The following GABBR2 variants were observed in gnomAD, a reference collection of about 807,000 sequenced individuals.
GABBR2 encodes gamma-aminobutyric acid type B receptor subunit 2.
In GABBR2, 23 loss-of-function variants were observed where a neutral mutation model predicts 105.6. That is an observed-to-expected ratio of 0.22 (90% CI 0.16 to 0.31). The LOEUF (loss-of-function observed/expected upper bound fraction) is 0.31. Ranked by LOEUF, GABBR2 falls within the 10% of genes least tolerant of loss-of-function variation. The pLI, the probability that GABBR2 is intolerant of heterozygous loss-of-function variation, is 1.00. For missense variants in GABBR2, 734 were observed against 1,245.5 expected (o/e 0.59, Z 6.18); for synonymous variants, 478 against 499.7 (o/e 0.96, Z 0.58).
chr9:98,311,239 C>T (rs201401484), intron 13 of GABBR2, 34 bp from the exon 14 acceptor site: 1 of 1,326,680 alleles, frequency 7.5e-7, no homozygotes, highest in Non-Finnish European at 1.1e-6. Flanking sequence ...TCAGGGATGG[C>T]ACAGGACACT....
intron 18 of GABBR2, among the ~76,000 whole-genome samples, chr9:98,292,565 G>T (rs754743692): frequency 2.6e-5 from 4 of 152,248 alleles, no homozygotes; most frequent in Non-Finnish European, 1.5e-5. Flanking sequence ...TGGAACTACA[G>T]TGTTGGAGAT....
rs540306325 is a variant in GABBR2 at position 98,586,775 on chromosome 9, G to A, written c.322-8703C>T. Among the ~76,000 whole-genome samples the A allele has an allele frequency of 2.6e-4, 40 of 152,286 alleles. No homozygotes were observed. The South Asian group carries it at 8.3e-3, about 32-fold the overall frequency. Reference sequence around the variant, plus strand: ...GATTTTTGCCGCTGAATATAGCTGTGGTTCATTCATTTTCATAGCTGTGTA... The same window carrying A: ...GATTTTTGCCGCTGAATATAGCTGTAGTTCATTCATTTTCATAGCTGTGTA... On this transcript the variant is annotated intron_variant, in intron 1 of 18. Coordinates refer to ENST00000259455, the MANE Select transcript of GABBR2 (RefSeq NM_005458.8).
chr9:98,475,829 G>A (rs138266678), intron 5 of GABBR2, among the ~76,000 whole-genome samples: 41 of 152,324 alleles, frequency 2.7e-4, no homozygotes, highest in African/African-American at 9.6e-4. Flanking sequence ...TTGGGAGGCC[G>A]AGGTGGGCGG....
chr9:98,646,770 G>A (rs955215893), intron 1 of GABBR2, among the ~76,000 whole-genome samples: 1 of 152,162 alleles, frequency 6.6e-6, no homozygotes, highest in Non-Finnish European at 1.5e-5. Flanking sequence ...GCACTGGGCT[G>A]GCACAAAGTC....
chr9:98,663,877 A>G (rs1173557215), intron 1 of GABBR2, among the ~76,000 whole-genome samples: 1 of 152,122 alleles, frequency 6.6e-6, no homozygotes, highest in African/African-American at 2.4e-5. Flanking sequence ...AAAGAGAAAT[A>G]CCCAGACATT....
At chr9:98,706,364 G>GC (rs1382941470) in intron 1 of GABBR2, among the ~76,000 whole-genome samples, 3 of 152,076 alleles carry the variant, frequency 2.0e-5, no homozygotes, top group Non-Finnish European at 4.4e-5. Flanking sequence ...TAAAACCCAG[G>GC]CCCCACCTAC....
chr9:98,602,283 C>A lies in GABBR2; in HGVS notation c.322-24211G>T, dbSNP rs543933503. Among the ~76,000 whole-genome samples, 7 of 151,720 alleles carry A rather than the reference C, an allele frequency of 4.6e-5. No individual in the cohort carries two copies. In the South Asian group the frequency reaches 1.5e-3, roughly 32 times the overall value. On this transcript the variant is annotated intron_variant, in intron 1 of 18. Transcript: ENST00000259455. ...GGTCAGGAGTTTGAGACCAGCCTGGCCAACACAGTGAAACTCCGTCTCTAC... is the reference window on the plus strand; with the variant it reads ...GGTCAGGAGTTTGAGACCAGCCTGGACAACACAGTGAAACTCCGTCTCTAC...
chr9:98,412,985 T>A lies in GABBR2; in HGVS notation c.1237-6844A>T, dbSNP rs142907180. ...AATCTAAGCATAAAAATAGACAATT[T>A]CCCCTGTATCTCTGGGTCTTCATTC... On this transcript the variant is annotated intron_variant, in intron 7 of 18. Coordinates refer to ENST00000259455, the MANE Select transcript of GABBR2 (RefSeq NM_005458.8). Among the ~76,000 whole-genome samples, 39 of 152,310 alleles carry A rather than the reference T, an allele frequency of 2.6e-4. 1 individual carries two copies. The East Asian group carries it at 5.8e-3, about 23-fold the overall frequency.
chr9:98,685,454 T>C (rs1360184929), intron 1 of GABBR2, among the ~76,000 whole-genome samples: 1 of 152,238 alleles, frequency 6.6e-6, no homozygotes, highest in Non-Finnish European at 1.5e-5. Context: ...CTATTAGTCC[T>C]GAACCCTCTA....
chr9:98,615,119 C>T (rs113758230), intron 1 of GABBR2, among the ~76,000 whole-genome samples: 2,665 of 152,348 alleles, frequency 0.017, 50 homozygotes, highest in Middle Eastern at 0.075. Flanking sequence ...GGCTGGCCAC[C>T]TCTGCCTCTC....
intron 2 of GABBR2, among the ~76,000 whole-genome samples, chr9:98,577,538 G>A (rs987986892): frequency 6.6e-6 from 1 of 152,214 alleles, no homozygotes; most frequent in Non-Finnish European, 1.5e-5. Context: ...AACGGTGAGA[G>A]CAGGGCTCTG....
At chr9:98,601,383 G>T (rs908909647) in intron 1 of GABBR2, among the ~76,000 whole-genome samples, 1 of 152,082 alleles carries the variant, frequency 6.6e-6, no homozygotes, top group Non-Finnish European at 1.5e-5. Flanking sequence ...CGTGCATGGC[G>T]GTGCACATCT....
At chr9:98,423,181 C>T (rs1001209154) in intron 7 of GABBR2, among the ~76,000 whole-genome samples, 6 of 152,188 alleles carry the variant, frequency 3.9e-5, no homozygotes, top group East Asian at 1.9e-4. Flanking sequence ...CCTGAGGAAT[C>T]GCCGCACTGA....
intron 7 of GABBR2, among the ~76,000 whole-genome samples, chr9:98,427,336 T>C (rs550085520): frequency 3.9e-5 from 6 of 152,216 alleles, no homozygotes; most frequent in Non-Finnish European, 8.8e-5. Flanking sequence ...CTAAGCCCTC[T>C]GGTCAACTTA....
chr9:98,697,669 T>C (rs1183322359), intron 1 of GABBR2, among the ~76,000 whole-genome samples: 1 of 152,232 alleles, frequency 6.6e-6, no homozygotes, highest in Non-Finnish European at 1.5e-5. Context: ...CTATTTCCTT[T>C]TCCTTTGATT....
chr9:98,558,923 C>T (rs967369042), intron 2 of GABBR2, among the ~76,000 whole-genome samples: 1 of 152,186 alleles, frequency 6.6e-6, no homozygotes, highest in African/African-American at 2.4e-5. Flanking sequence ...TGAAAACAAG[C>T]ATCATGCTTT....
chr9:98,577,830 G>C, intron 2 of GABBR2, 105 bp downstream of exon 2: 1 of 1,163,862 alleles, frequency 8.6e-7, no homozygotes, highest in Non-Finnish European at 1.2e-6. Flanking sequence ...CAGGAGGCCT[G>C]ACCCAGGCAA....
At chr9:98,443,230 T>A (rs954522722) in intron 7 of GABBR2, among the ~76,000 whole-genome samples, 1 of 152,172 alleles carries the variant, frequency 6.6e-6, no homozygotes, top group African/African-American at 2.4e-5. Context: ...CCTCTTTGTT[T>A]CTCCCAGGGA....
intron 1 of GABBR2, among the ~76,000 whole-genome samples, chr9:98,630,256 C>A (rs1290667996): frequency 6.6e-6 from 1 of 152,200 alleles, no homozygotes; most frequent in East Asian, 1.9e-4. Flanking sequence ...CAAACCCTGA[C>A]TTAAATCCCC....
Sources: gnomAD v4.1 joint callset for allele counts (sites outside exome capture counted in the v4.1 genomes callset) on GRCh38, gnomAD v4.1.1 for gene constraint, MANE v1.5 for transcripts, NCBI Gene and HGNC (gene_info 2026-07-23, HGNC 2026-07-21) for gene names.